Variants in MYOM2 observed in about 807,000 individuals in gnomAD.
The protein encoded by MYOM2 is myomesin 2.
A neutral mutation model predicts 187.6 loss-of-function variants in MYOM2; 254 were observed. The observed-to-expected ratio is 1.35, with a 90% CI of 1.22 to 1.50. The LOEUF is 1.50. Ranked by LOEUF, MYOM2 falls within the 40% of genes most tolerant of loss-of-function variation. The pLI, the probability that MYOM2 is intolerant of heterozygous loss-of-function variation, is 0.00. For missense variants in MYOM2, 2,796 were observed against 1,924.0 expected, an observed-to-expected ratio of 1.45 and a Z score of -8.48; for synonymous variants, 981 against 753.8, an observed-to-expected ratio of 1.30 and a Z score of -4.94.
At chr8:2,077,397 G>A (rs142279409) in intron 11 of MYOM2, among the ~76,000 whole-genome samples, 80 of 152,234 alleles carry the variant, frequency 5.3e-4, no homozygotes, top group Non-Finnish European at 2.5e-4. Flanking sequence ...AATTTTATAT[G>A]TATATTAAAC....
intron 5 of MYOM2, 78 bp from the exon 6 acceptor site, chr8:2,059,075 C>CG: frequency 8.2e-7 from 1 of 1,226,958 alleles, no homozygotes; most frequent in South Asian, 1.3e-5. Flanking sequence ...GCAGCAGGCG[C>CG]GGGGGAGCTG....
At chr8:2,113,844 C>G (rs964355124) in intron 25 of MYOM2, among the ~76,000 whole-genome samples, 6 of 152,220 alleles carry the variant, frequency 3.9e-5, no homozygotes, top group Non-Finnish European at 5.9e-5. Context: ...TCATCAGAAC[C>G]TTGTTGGACA....
In MYOM2 at chr8:2,102,782, G is replaced by A; in HGVS notation, c.2734+1G>A. The A allele has an allele frequency of 6.2e-7, 1 of 1,610,398 alleles. No individual in the cohort carries two copies. The highest frequency in any genetic ancestry group is 8.5e-7 in the Non-Finnish European group (1 of 1,176,882). ...CCTGTGCTGGTAGAGGCGAGACCAG[G>A]TAAGGCTTACAACAAAAACTACAAA... On this transcript the variant is annotated splice_donor_variant, in intron 21 of 36. Transcript: ENST00000262113. LOFTEE classifies it high-confidence loss of function.
At chr8:2,133,084 A>C (rs1436530151) in intron 32 of MYOM2, among the ~76,000 whole-genome samples, 2 of 152,124 alleles carry the variant, frequency 1.3e-5, no homozygotes, top group East Asian at 3.9e-4. Context: ...AGGTATGTGC[A>C]GTCCCCTCTC....
intron 32 of MYOM2, among the ~76,000 whole-genome samples, chr8:2,137,359 G>C (rs545799331): frequency 6.6e-6 from 1 of 151,858 alleles, no homozygotes; most frequent in Non-Finnish European, 1.5e-5. Context: ...AAGACACCAG[G>C]CATGACAAAA....
chr8:2,132,501 G>A (rs1327512551), intron 32 of MYOM2, among the ~76,000 whole-genome samples: 1 of 152,118 alleles, frequency 6.6e-6, no homozygotes, highest in Non-Finnish European at 1.5e-5. Flanking sequence ...ATCTAGACAT[G>A]GCTAGATCTC....
chr8:2,074,615 C>T (rs1368428359), intron 10 of MYOM2, among the ~76,000 whole-genome samples: 8 of 152,056 alleles, frequency 5.3e-5, no homozygotes, highest in Middle Eastern at 3.2e-3. Context: ...CCACCACGCC[C>T]GGCTAATTTT....
intron 28 of MYOM2, 43 bp downstream of exon 28, chr8:2,117,995 T>G (rs1432519864): frequency 2.5e-6 from 4 of 1,577,260 alleles, no homozygotes; most frequent in Admixed American, 3.4e-5. Context: ...AATCTCATTC[T>G]GGTTCCTATC....
chr8:2,059,174 T>G lies in MYOM2; in HGVS notation c.582T>G (p.Ile194Met). ...TTAGGTACAAAGATGGCAGTCTGAT[T>G]TGCCAGGCGGCTGAACCGGGAAAGT... The part of the protein sequence containing the change: ...VVQWYKDGSL[I>M]CQAAEPGKYR... Residue 194 changes from isoleucine (I) to methionine (M), a missense_variant, in exon 6 of 37, where the codon ATT (isoleucine) becomes ATG (methionine). Ile to Met is a conservative substitution (Grantham distance 10, BLOSUM62 1). Coordinates refer to ENST00000262113, the MANE Select transcript of MYOM2 (RefSeq NM_003970.4). 2 of 1,614,140 alleles carry G rather than the reference T, an allele frequency of 1.2e-6. No individual in the cohort carries two copies. The highest frequency in any genetic ancestry group is 1.3e-5 in the African/African-American group (1 of 75,034).
At chr8:2,142,542 C>T (rs192679028) in intron 35 of MYOM2, 145 bp downstream of exon 35, 2 of 818,556 alleles carry the variant, frequency 2.4e-6, no homozygotes, top group African/African-American at 1.7e-5. Context: ...ACACCACACC[C>T]TGTCCTGGAG....
intron 31 of MYOM2, among the ~76,000 whole-genome samples, chr8:2,125,867 A>T (rs1235055775): frequency 6.6e-6 from 1 of 151,742 alleles, no homozygotes; most frequent in East Asian, 1.9e-4. Context: ...CCGCCCACCG[A>T]GGCCTCCCTA....
At chr8:2,047,624 C>G (rs1254607128) in intron 1 of MYOM2, among the ~76,000 whole-genome samples, 2 of 152,228 alleles carry the variant, frequency 1.3e-5, no homozygotes, top group African/African-American at 4.8e-5. Flanking sequence ...ATGGATTCTG[C>G]AAAGCCTCTG....
chr8:2,076,186 T>A lies in MYOM2; in HGVS notation c.1166T>A (p.Leu389Ter). The A allele has an allele frequency of 6.2e-7, 1 of 1,613,422 alleles. No homozygotes were observed. Among genetic ancestry groups the A allele is most frequent in the Non-Finnish European group, 8.5e-7 (1 of 1,179,896 alleles). ...GGGGCCCCCGGTGCACCCATGGACT[T>A]GCAGTGCCACGACGCCAACCGGGAC... ...VTGAPGAPMD[L>*]QCHDANRDYV... Residue 389 changes from leucine to a stop codon, truncating the protein, a stop_gained, in exon 11 of 37, where the codon TTG becomes TAG. Transcript: ENST00000262113. LOFTEE classifies it high-confidence loss of function.
intron 25 of MYOM2, among the ~76,000 whole-genome samples, chr8:2,112,993 G>C (rs1173211170): frequency 6.6e-6 from 1 of 152,178 alleles, no homozygotes; most frequent in Non-Finnish European, 1.5e-5. Context: ...AGCCTCCTTG[G>C]GTCCTGGGTA....
At chr8:2,124,276 A>T in intron 31 of MYOM2, 59 bp downstream of exon 31, 1 of 1,519,010 alleles carries the variant, frequency 6.6e-7, no homozygotes, top group Non-Finnish European at 9.1e-7. Flanking sequence ...CTATTTCCTG[A>T]CACGGGAAGT....
chr8:2,134,902 A>G (rs1039189361), intron 32 of MYOM2, among the ~76,000 whole-genome samples: 1 of 152,150 alleles, frequency 6.6e-6, no homozygotes, highest in Admixed American at 6.5e-5. Flanking sequence ...AAAGGTTGGC[A>G]TCAGAGACTA....
rs780703908 is a variant in MYOM2, at chr8:2,140,761, G to A, written c.3839G>A (p.Gly1280Glu). The A allele has an allele frequency of 2.0e-5, 33 of 1,614,012 alleles. No homozygotes were observed. The highest frequency in any genetic ancestry group is 2.6e-5 in the Non-Finnish European group (31 of 1,180,012). Residue 1280 changes from glycine to glutamate, a missense_variant, in exon 33 of 37, where the codon GGG becomes GAG. Gly to Glu is a moderately conservative substitution (Grantham distance 98, BLOSUM62 -2). Transcript: ENST00000262113. ...KISSSEHMRI[G>E]GSEEMAWLQI... ...TCATCCAGTGAGCATATGAGAATCG[G>A]GGGGAGTGAAGAGATGGCTTGGCTG...
At chr8:2,067,414 C>G (rs563817763) in intron 6 of MYOM2, among the ~76,000 whole-genome samples, 1 of 152,244 alleles carries the variant, frequency 6.6e-6, no homozygotes, top group Admixed American at 6.5e-5. Context: ...TTTGGAGTCA[C>G]GTGGACCTTG....
chr8:2,138,742 A>C (rs1037165287), intron 32 of MYOM2, among the ~76,000 whole-genome samples: 5 of 144,862 alleles, frequency 3.5e-5, no homozygotes, highest in African/African-American at 1.3e-4. Flanking sequence ...GATGTTGAGC[A>C]TGTCTTCTTG....
Sources: allele counts gnomAD v4.1 joint callset (sites outside exome capture counted in the v4.1 genomes callset), GRCh38; gene constraint gnomAD v4.1.1; transcripts MANE v1.5; gene names NCBI Gene and HGNC (gene_info 2026-07-23, HGNC 2026-07-21).